The following PDE3B variants were observed in gnomAD, a reference collection of about 807,000 sequenced individuals.
PDE3B encodes the protein phosphodiesterase 3B.
A neutral mutation model predicts 116.8 loss-of-function variants in PDE3B; 66 were observed. The ratio of observed to expected loss-of-function variants is 0.56; its 90% confidence interval spans 0.46 to 0.69. PDE3B has a LOEUF of 0.69. Ranked by LOEUF, PDE3B falls within the 30% of genes least tolerant of loss-of-function variation. The probability of loss-of-function intolerance (pLI) is 0.00; values close to 1 mark genes in which losing one functional copy is unlikely to be tolerated. For missense variants in PDE3B, 1,384 were observed against 1,368.1 expected (o/e 1.01, Z -0.18); for synonymous variants, 595 against 533.6 (o/e 1.12, Z -1.59).
At chr11:14,877,694 C>G in the PDE3B span, 1 of 156,702 alleles carries the variant, frequency 6.4e-6, no homozygotes, top group Non-Finnish European at 1.4e-5. Context: ...TTCTGTAGTC[C>G]TCTATTAAAC....
intron 13 of PDE3B, among the ~76,000 whole-genome samples, 180 bp downstream of exon 13, chr11:14,859,426 C>T (rs1252854974): frequency 6.6e-6 from 1 of 152,030 alleles, no homozygotes; most frequent in Non-Finnish European, 1.5e-5. Context: ...GTTATGGTAA[C>T]ATTTCCTAAA....
At chr11:14,828,550 T>C (rs1039564427) in intron 7 of PDE3B, among the ~76,000 whole-genome samples, 2 of 152,148 alleles carry the variant, frequency 1.3e-5, no homozygotes, top group African/African-American at 4.8e-5. Context: ...GCAACAATCA[T>C]ATGAAAAACA....
intron 12 of PDE3B, among the ~76,000 whole-genome samples, chr11:14,850,534 C>T (rs1157133415): frequency 1.3e-5 from 2 of 152,054 alleles, no homozygotes; most frequent in East Asian, 1.9e-4. Context: ...CCTATTTAGG[C>T]CCATTGTATG....
At chr11:14,731,921 G>A (rs1856468749) in intron 1 of PDE3B, among the ~76,000 whole-genome samples, 1 of 152,106 alleles carries the variant, frequency 6.6e-6, no homozygotes, top group South Asian at 2.1e-4. Flanking sequence ...TTCACCTTTT[G>A]ATAAGTAAGT....
chr11:14,841,010 T>C (rs1860205119), intron 11 of PDE3B, among the ~76,000 whole-genome samples: 1 of 152,142 alleles, frequency 6.6e-6, no homozygotes, highest in African/African-American at 2.4e-5. Context: ...TACCTACATA[T>C]TTGGTCAGAC....
intron 7 of PDE3B, among the ~76,000 whole-genome samples, chr11:14,824,049 C>T (rs1328809398): frequency 6.6e-6 from 1 of 152,186 alleles, no homozygotes; most frequent in Non-Finnish European, 1.5e-5. Context: ...CACAGAGTAT[C>T]CACCTCACAG....
intron 2 of PDE3B, 27 bp downstream of exon 2, chr11:14,772,014 A>G (rs1857659868): frequency 2.2e-6 from 2 of 914,120 alleles, no homozygotes; most frequent in Non-Finnish European, 3.4e-6. Flanking sequence ...TCTGTGATGA[A>G]TATCTAAATA....
intron 12 of PDE3B, among the ~76,000 whole-genome samples, chr11:14,847,620 A>T (rs1847639383): frequency 6.6e-6 from 1 of 152,196 alleles, no homozygotes. Flanking sequence ...AAGAGAGAAG[A>T]ATCAAATAGA....
Position 14,677,825 on chromosome 11 carries a change from A to G in PDE3B, c.978+32772A>G, listed in dbSNP as rs372557788. ...TTGAGACTGGCTACTTTTATTTAGC[A>G]TAATGCCTTTGAGATTCATCCGAGT... On this transcript the variant is annotated intron_variant, in intron 1 of 15. Coordinates refer to ENST00000282096, the MANE Select transcript of PDE3B (RefSeq NM_000922.4). 1.7e-4 allele frequency among the ~76,000 whole-genome samples: 26 copies of G among 152,354 alleles called. No homozygotes were observed. In the South Asian group the frequency reaches 4.8e-3, roughly 28 times the overall value.
At chr11:14,897,811 C>A in the PDE3B span, among the ~76,000 whole-genome samples, 1 of 152,170 alleles carries the variant, frequency 6.6e-6, no homozygotes, top group African/African-American at 2.4e-5. Flanking sequence ...CTGCTCCAGA[C>A]CGCCTCTGTT....
intron 1 of PDE3B, among the ~76,000 whole-genome samples, chr11:14,691,690 A>G (rs1441596654): frequency 6.6e-6 from 1 of 152,206 alleles, no homozygotes; most frequent in Non-Finnish European, 1.5e-5. Context: ...TTAGTGGAAG[A>G]GACAGAATAT....
intron 1 of PDE3B, among the ~76,000 whole-genome samples, chr11:14,713,740 T>A (rs966228718): frequency 6.6e-6 from 1 of 151,452 alleles, no homozygotes; most frequent in Non-Finnish European, 1.5e-5. Context: ...ACACACATAC[T>A]ATTGTTTCTG....
At chr11:14,793,100 T>C (rs1858442635) in intron 4 of PDE3B, among the ~76,000 whole-genome samples, 1 of 152,178 alleles carries the variant, frequency 6.6e-6, no homozygotes, top group Non-Finnish European at 1.5e-5. Flanking sequence ...CCCTTAATCT[T>C]GCCTTCTGCT....
chr11:14,714,265 G>A (rs1219860359), intron 1 of PDE3B, among the ~76,000 whole-genome samples: 1 of 151,896 alleles, frequency 6.6e-6, no homozygotes, highest in Non-Finnish European at 1.5e-5. Flanking sequence ...TATTTGTATT[G>A]GTTCTCATAG....
chr11:14,868,435 G>T (rs868967399), intron 15 of PDE3B, among the ~76,000 whole-genome samples: 2 of 152,122 alleles, frequency 1.3e-5, no homozygotes, highest in Non-Finnish European at 1.5e-5. Context: ...TCAAAACAGT[G>T]GGGGGGAGGG....
In PDE3B at chr11:14,822,816, G is replaced by T. The variant is rs145608531; in HGVS notation, c.1807+3607G>T. Among the ~76,000 whole-genome samples the T allele has an allele frequency of 2.0e-3, 298 of 152,274 alleles. 1 individual carries two copies. Among genetic ancestry groups the T allele is most frequent in the African/African-American group, 6.6e-3 (274 of 41,554 alleles). The stretch of plus-strand genomic sequence containing the variant: ...GGGTCTGAGCAGCAATGGTCTTCAG[G>T]TCCCATGTCCACAGCACCTTGCAGG... On this transcript the variant is annotated intron_variant, in intron 7 of 15. Transcript: ENST00000282096.
chr11:14,862,055 T>G (rs1285415783), intron 14 of PDE3B, among the ~76,000 whole-genome samples: 1 of 152,164 alleles, frequency 6.6e-6, no homozygotes, highest in South Asian at 2.1e-4. Context: ...CCAATTAAAC[T>G]CCACCATTTT....
At chr11:14,710,438 G>C (rs1855670796) in intron 1 of PDE3B, among the ~76,000 whole-genome samples, 1 of 152,074 alleles carries the variant, frequency 6.6e-6, no homozygotes, top group Admixed American at 6.6e-5. Flanking sequence ...TATTCATCCT[G>C]GCCAATTTAG....
At position 14,851,066 on chromosome 11, in the gene PDE3B, G is replaced by A. The variant is rs147940471; in HGVS notation, c.2520+7040G>A. On this transcript the variant is annotated intron_variant, in intron 12 of 15. Coordinates refer to ENST00000282096, the MANE Select transcript of PDE3B (RefSeq NM_000922.4). ...TCTCGATCTCTTGACCTCGTGATCC[G>A]TCTGCCTTGGCCTCCCAAAGTGCTG... Among the ~76,000 whole-genome samples, 190 of 148,080 alleles carry A rather than the reference G, an allele frequency of 1.3e-3. 2 individuals carry two copies. The East Asian group carries it at 0.018, about 14-fold the overall frequency.
Sources: gnomAD v4.1 joint callset for allele counts (sites outside exome capture counted in the v4.1 genomes callset) on GRCh38, gnomAD v4.1.1 for gene constraint, MANE v1.5 for transcripts, NCBI Gene and HGNC (gene_info 2026-07-23, HGNC 2026-07-21) for gene names.